Variants in CTNNA2 observed in about 807,000 individuals in gnomAD.
CTNNA2 encodes catenin alpha-2.
A neutral mutation model predicts 101.0 loss-of-function variants in CTNNA2; 42 were observed. The observed-to-expected ratio is 0.42, with a 90% CI of 0.32 to 0.54. The LOEUF is 0.54. Ranked by LOEUF, CTNNA2 falls within the 20% of genes least tolerant of loss-of-function variation. CTNNA2 has a pLI of 0.14. For synonymous variants in CTNNA2, 450 were observed against 456.4 expected (o/e 0.99, Z 0.18); for missense variants, 871 against 1,223.1 (o/e 0.71, Z 4.29).
At chr2:80,509,502 A>T (rs575574605) in intron 9 of CTNNA2, among the ~76,000 whole-genome samples, 1 of 152,304 alleles carries the variant, frequency 6.6e-6, no homozygotes, top group South Asian at 2.1e-4. Context: ...GTTATCTAAC[A>T]TATTGAGCTC....
chr2:80,106,529 A>G (rs1461310848), intron 7 of CTNNA2, among the ~76,000 whole-genome samples: 3 of 152,120 alleles, frequency 2.0e-5, no homozygotes, highest in Non-Finnish European at 2.9e-5. Context: ...GTGGTGGTGA[A>G]GTAGCACGTT....
In CTNNA2 at chr2:80,302,183, TGCCCG is replaced by T; in HGVS notation, c.1057-91027_1057-91023del. The T allele has an allele frequency of 6.4e-7, 1 of 1,554,488 alleles. No homozygotes were observed. Among genetic ancestry groups the T allele is most frequent in the Non-Finnish European group, 8.7e-7 (1 of 1,150,104 alleles). On this transcript the variant is annotated intron_variant, in intron 7 of 18. Coordinates refer to ENST00000402739, the MANE Select transcript of CTNNA2 (RefSeq NM_001282597.3). The surrounding 1 kb of genome is among the most constrained non-coding windows in gnomAD (Gnocchi z 6.4). ...CACAGACAAGGAGACCCCAGCCTGG[TGCCCG>T]CCGGCCCGTCCCGGCTGCCCAGGCG...
At chr2:80,524,798 G>T (rs1689883975) in intron 9 of CTNNA2, among the ~76,000 whole-genome samples, 1 of 152,080 alleles carries the variant, frequency 6.6e-6, no homozygotes, top group South Asian at 2.1e-4. Flanking sequence ...ACAAAAAAAT[G>T]CTCTCCACCC....
intron 2 of CTNNA2, among the ~76,000 whole-genome samples, chr2:79,718,329 T>C (rs1686244818): frequency 6.6e-6 from 1 of 152,222 alleles, no homozygotes; most frequent in South Asian, 2.1e-4. Flanking sequence ...ATTGTGAGCA[T>C]ATGAGAGACT....
At chr2:80,218,170 A>T (rs559926967) in intron 7 of CTNNA2, among the ~76,000 whole-genome samples, 4 of 152,054 alleles carry the variant, frequency 2.6e-5, no homozygotes, top group African/African-American at 9.6e-5. Flanking sequence ...ACTGTGGAAA[A>T]CTCTCTCTCT....
At chr2:79,946,151 AG>A (rs11356739) in intron 7 of CTNNA2, among the ~76,000 whole-genome samples, 2,044 of 152,198 alleles carry the variant, frequency 0.013, 53 homozygotes, top group African/African-American at 0.047. Flanking sequence ...CTCCCCTCCC[AG>A]GGGAGAGAAC....
At chr2:80,214,849 G>GT (rs1708151997) in intron 7 of CTNNA2, among the ~76,000 whole-genome samples, 2 of 152,184 alleles carry the variant, frequency 1.3e-5, no homozygotes. Flanking sequence ...ATCCTGCAGA[G>GT]TGTTTTCCAA....
At chr2:80,265,935 C>T (rs1281245988) in intron 7 of CTNNA2, among the ~76,000 whole-genome samples, 1 of 152,204 alleles carries the variant, frequency 6.6e-6, no homozygotes, top group East Asian at 1.9e-4. Context: ...CGTTCTTTAA[C>T]TTCAGCTGAT....
chr2:79,857,349 G>A (rs1289574332), intron 3 of CTNNA2, among the ~76,000 whole-genome samples: 4 of 152,214 alleles, frequency 2.6e-5, no homozygotes, highest in Non-Finnish European at 5.9e-5. Flanking sequence ...TTACTCATGA[G>A]ACTTTGAACT....
intron 7 of CTNNA2, among the ~76,000 whole-genome samples, chr2:80,211,932 T>A (rs971222409): frequency 6.6e-6 from 1 of 152,144 alleles, no homozygotes; most frequent in African/African-American, 2.4e-5. Context: ...AGGTCCTTCA[T>A]ATCCCTTGTA....
At chr2:79,861,545 T>A (rs1437975490) in intron 4 of CTNNA2, among the ~76,000 whole-genome samples, 1 of 152,180 alleles carries the variant, frequency 6.6e-6, no homozygotes, top group Admixed American at 6.5e-5. Flanking sequence ...TACTTGATAA[T>A]TATGTTTAGG....
In CTNNA2 at chr2:80,536,027, T is replaced by C. The variant is rs569493302; in HGVS notation, c.1291-8955T>C. Among the ~76,000 whole-genome samples, 173 of 152,296 alleles carry C rather than the reference T, an allele frequency of 1.1e-3. 1 individual carries two copies. The highest frequency in any genetic ancestry group is 4.0e-3 in the African/African-American group (166 of 41,552). ...AGGCTGAGCCTGTTTTTCTACCAGC[T>C]GCTTCTGTCTTGCCTCTCAAAGGTT... is the stretch of plus-strand genomic sequence containing the variant. On this transcript the variant is annotated intron_variant, in intron 9 of 18. Transcript: ENST00000402739.
intron 7 of CTNNA2, among the ~76,000 whole-genome samples, chr2:80,058,504 G>GA (rs1697371456): frequency 6.6e-6 from 1 of 152,152 alleles, no homozygotes; most frequent in Non-Finnish European, 1.5e-5. Flanking sequence ...GTGAGAAGGA[G>GA]AAACTTTTAA....
intron 1 of CTNNA2, among the ~76,000 whole-genome samples, chr2:79,525,252 T>C (rs1216046889): frequency 1.3e-5 from 2 of 151,944 alleles, no homozygotes; most frequent in Admixed American, 6.6e-5. Context: ...TAGAATTTTA[T>C]TTTTTGGCAG....
At position 80,648,081 on chromosome 2, in the gene CTNNA2, A is replaced by G; in HGVS notation, c.*209A>G. 2.2e-6 allele frequency: 1 copy of G among 463,614 alleles called. No homozygotes were observed. The highest frequency in any genetic ancestry group is 3.8e-6 in the Non-Finnish European group (1 of 261,902). The allele number at this position is 463,614 out of a possible 1,614,324, so 28.7% of individuals were successfully genotyped here. ...AAGGAGACAGGACATTCCTGTACTA[A>G]GGTGGCACAGAGCTGTCCTTTGCAA... On this transcript the variant is annotated 3_prime_UTR_variant, in exon 19 of 19. Transcript: ENST00000402739.
rs567566795 is a variant in CTNNA2 at position 79,430,811 on chromosome 2, G to A, written c.-135+56798G>A. Among the ~76,000 whole-genome samples, 221 of 70,992 alleles carry A rather than the reference G, an allele frequency of 3.1e-3. 1 individual carries two copies. The highest frequency in any genetic ancestry group is 9.2e-3 in the African/African-American group (189 of 20,460). The allele number at this position is 70,992 out of a possible 152,430, so 46.6% of individuals were successfully genotyped here. On this transcript the variant is annotated intron_variant, in intron 4 of 21. Transcript: ENST00000466387. ...CCCACATATCTTCCCAAGGTTCAAA[G>A]AAAGACTGGTGTGTTCCAGGCAGAA...
intron 1 of CTNNA2, among the ~76,000 whole-genome samples, chr2:79,531,195 CATATATATATATATAT>C (rs34087238): frequency 0.043 from 4,765 of 110,274 alleles, 293 homozygotes; most frequent in African/African-American, 0.13. Context: ...TAGATACGCT[CATATATATATATATAT>C]ATATATATAT....
chr2:80,273,521 T>A (rs1471611508), intron 7 of CTNNA2, among the ~76,000 whole-genome samples: 1 of 152,112 alleles, frequency 6.6e-6, no homozygotes, highest in African/African-American at 2.4e-5. Flanking sequence ...TTAAAGCCCT[T>A]AAATGACTGC....
chr2:80,550,867 C>A (rs567162344), intron 11 of CTNNA2, among the ~76,000 whole-genome samples: 3 of 152,130 alleles, frequency 2.0e-5, no homozygotes, highest in Non-Finnish European at 4.4e-5. Flanking sequence ...TGACTTTCTC[C>A]GGTGAATCAA....
Sources: gnomAD v4.1 joint callset for allele counts (sites outside exome capture counted in the v4.1 genomes callset) on GRCh38, gnomAD v4.1.1 for gene constraint, Gnocchi (gnomAD v3.1) non-coding constraint, MANE v1.5 for transcripts, NCBI Gene and HGNC (gene_info 2026-07-23, HGNC 2026-07-21) for gene names.